The following KLB variants were observed in gnomAD, a reference collection of about 807,000 sequenced individuals.
KLB encodes klotho beta, also known as beta-klotho.
In KLB, 44 loss-of-function variants were observed where a neutral mutation model predicts 88.4. The ratio of observed to expected loss-of-function variants is 0.50; its 90% CI spans 0.39 to 0.64. The LOEUF is 0.64. KLB is among the 30% of genes least tolerant of loss of function. KLB has a pLI of 0.00. For synonymous variants in KLB, 548 were observed against 513.4 expected, an observed-to-expected ratio of 1.07 and a Z score of -0.91; for missense variants, 1,137 against 1,304.8, an observed-to-expected ratio of 0.87 and a Z score of 1.98.
At chr4:39,410,803 T>A (rs1345895081) in intron 1 of KLB, among the ~76,000 whole-genome samples, 2 of 152,160 alleles carry the variant, frequency 1.3e-5, no homozygotes, top group African/African-American at 4.8e-5. Flanking sequence ...ACTTCTCAGA[T>A]AGAGAAAAGG....
At chr4:39,445,909 T>C (rs979713555) in intron 3 of KLB, among the ~76,000 whole-genome samples, 1 of 152,142 alleles carries the variant, frequency 6.6e-6, no homozygotes, top group Non-Finnish European at 1.5e-5. Context: ...TTTTAAGGAA[T>C]TGTGCCTGGG....
At position 39,446,244 on chromosome 4, in the gene KLB, C is replaced by G; in HGVS notation, c.1606-88C>G. 7.9e-7 allele frequency: 1 copy of G among 1,273,814 alleles called. No homozygotes were observed. The highest frequency in any genetic ancestry group is 1.1e-6 in the Non-Finnish European group (1 of 920,218). 78.9% of individuals were successfully genotyped at this position (1,273,814 alleles called of 1,614,324 possible). A position where few individuals can be genotyped will look rare whatever the true frequency, so the allele number is the denominator to read the frequency against. ...AGGCCTGGCGTGGTGGCCTGTAATC[C>G]CAGCACTTTGGGAGGCAGAGGTAGG... On this transcript the variant is annotated intron_variant, in intron 3 of 4. Transcript: ENST00000257408. This position sits in a 1 kb window ranked among gnomAD's most constrained non-coding sequence, Gnocchi z 6.4.
chr4:39,434,359 T>G lies in KLB; in HGVS notation c.975T>G (p.Ser325=). ...DIFKCQQSMV[S]VLGWFANPIH... ...TCAAATGTCAACAATCCATGGTTTC[T>G]GTGCTTGGATGGTTTGCCAACCCTA... The change falls in exon 2 of 5, where the codon TCT becomes TCG. Residue 325 remains serine (S), a synonymous_variant. Transcript: ENST00000257408. The G allele has an allele frequency of 6.2e-7, 1 of 1,614,182 alleles. No homozygotes were observed. Among genetic ancestry groups the G allele is most frequent in the Non-Finnish European group, 8.5e-7 (1 of 1,180,018 alleles).
intron 3 of KLB, among the ~76,000 whole-genome samples, chr4:39,444,362 C>T (rs1340337829): frequency 6.6e-6 from 1 of 152,144 alleles, no homozygotes; most frequent in South Asian, 2.1e-4. Flanking sequence ...AATGGGACCC[C>T]CTCAAGCTGT....
chr4:39,434,859 T>C (rs1578210546), intron 2 of KLB, 139 bp downstream of exon 2: 1 of 687,696 alleles, frequency 1.5e-6, no homozygotes, highest in East Asian at 2.7e-5. Flanking sequence ...CAGGCTGAAG[T>C]GCAGTGGCAC....
At chr4:39,436,889 T>C (rs967840091) in intron 2 of KLB, among the ~76,000 whole-genome samples, 11 of 152,116 alleles carry the variant, frequency 7.2e-5, no homozygotes, top group African/African-American at 2.7e-4. Flanking sequence ...TTTGTATTTT[T>C]AGTAGAGACA....
Position 39,434,389 on chromosome 4 carries a change from T to G in KLB, c.1005T>G (p.His335Gln). Residue 335 changes from histidine to glutamine, a missense_variant, in exon 2 of 5, where the codon CAT becomes CAG. Physicochemically the swap from His to Gln is conservative, Grantham distance 24. Transcript: ENST00000257408. Reference protein sequence around the residue: ...SVLGWFANPIHGDGDYPEGMR... With the variant: ...SVLGWFANPIQGDGDYPEGMR... ...TTGGATGGTTTGCCAACCCTATCCA[T>G]GGGGATGGCGACTATCCAGAGGGGA... 1 of 1,614,138 alleles carries G rather than the reference T, an allele frequency of 6.2e-7. No individual in the cohort carries two copies. The highest frequency in any genetic ancestry group is 8.5e-7 in the Non-Finnish European group (1 of 1,180,006).
chr4:39,414,189 C>CA (rs1435523857), intron 1 of KLB, among the ~76,000 whole-genome samples: 4 of 151,668 alleles, frequency 2.6e-5, no homozygotes, highest in African/African-American at 9.7e-5. Context: ...GACATGTAAC[C>CA]AGTATGAGGG....
chr4:39,424,735 G>C (rs538946148), intron 1 of KLB, among the ~76,000 whole-genome samples: 1 of 136,650 alleles, frequency 7.3e-6, no homozygotes, highest in Non-Finnish European at 1.5e-5. Flanking sequence ...GGGTTCAAGC[G>C]ATTCTGTTTC....
chr4:39,448,279 G>A, intron 4 of KLB, 22 bp from the exon 5 acceptor site: 1 of 1,520,306 alleles, frequency 6.6e-7, no homozygotes, highest in South Asian at 1.3e-5. Context: ...TGTGATTAAT[G>A]TTAATTTCTT....
At chr4:39,428,409 C>G (rs1452678315) in intron 1 of KLB, among the ~76,000 whole-genome samples, 1 of 131,740 alleles carries the variant, frequency 7.6e-6, no homozygotes, top group African/African-American at 2.9e-5. Flanking sequence ...GCCTAGGCAA[C>G]AAGAGTGAAA....
intron 2 of KLB, 43 bp downstream of exon 2, chr4:39,434,763 T>G (rs373815019): frequency 5.5e-6 from 8 of 1,450,122 alleles, no homozygotes. Context: ...TTCTAAAAAC[T>G]TACAGGATAT....
intron 1 of KLB, among the ~76,000 whole-genome samples, chr4:39,415,205 G>A (rs776467119): frequency 1.4e-4 from 22 of 152,206 alleles, no homozygotes; most frequent in African/African-American, 4.6e-4. Context: ...GAGCCACTGC[G>A]CCTGTCCAAA....
At position 39,446,845 on chromosome 4, in the gene KLB, G is replaced by C; in HGVS notation, c.2119G>C (p.Asp707His). The change falls in exon 4 of 5, where the codon GAC becomes CAC. Residue 707 changes from aspartate (D) to histidine (H), a missense_variant. Physicochemically the swap from Asp to His is moderately conservative, Grantham distance 81. Coordinates refer to ENST00000257408, the MANE Select transcript of KLB (RefSeq NM_175737.4). The surrounding 1 kb of genome is among the most constrained non-coding windows in gnomAD (Gnocchi z 6.4). Reference sequence around the variant, plus strand: ...TGACATCTACAACCGCTCTGGCAACGACACCTACGGGGCGGCGCACAACCT... The same window carrying C: ...TGACATCTACAACCGCTCTGGCAACCACACCTACGGGGCGGCGCACAACCT... ...LSDIYNRSGN[D>H]TYGAAHNLLV... is the part of the protein sequence containing the mutation. The C allele has an allele frequency of 6.2e-7, 1 of 1,611,998 alleles. No homozygotes were observed. Among genetic ancestry groups the C allele is most frequent in the Non-Finnish European group, 8.5e-7 (1 of 1,179,972 alleles).
At position 39,446,576 on chromosome 4, in the gene KLB, G is replaced by A. The variant is rs1743751754; in HGVS notation, c.1850G>A (p.Arg617Gln). The A allele has an allele frequency of 1.2e-6, 2 of 1,614,120 alleles. No homozygotes were observed. Among genetic ancestry groups the A allele is most frequent in the Non-Finnish European group, 1.7e-6 (2 of 1,180,052 alleles). Residue 617 changes from arginine (R) to glutamine (Q), a missense_variant, in exon 4 of 5, where the codon CGA becomes CAA. Physicochemically the swap from Arg to Gln is conservative, Grantham distance 43. This residue lies in a region of KLB where 597 missense variants were observed against 765.2 expected (regional missense o/e 0.78). Coordinates refer to ENST00000257408, the MANE Select transcript of KLB (RefSeq NM_175737.4). The surrounding 1 kb of genome is among the most constrained non-coding windows in gnomAD (Gnocchi z 6.4). ...LPTGNLSAVN[R>Q]QALRYYRCVV... ...ACTGGCAACCTGTCCGCGGTGAACCGACAGGCCCTGAGGTACTACAGGTGC... is the reference window on the plus strand; with the variant it reads ...ACTGGCAACCTGTCCGCGGTGAACCAACAGGCCCTGAGGTACTACAGGTGC...
chr4:39,419,594 T>C (rs913126880), intron 1 of KLB, among the ~76,000 whole-genome samples: 15 of 151,848 alleles, frequency 9.9e-5, no homozygotes, highest in African/African-American at 3.6e-4. Flanking sequence ...GCCAACATAG[T>C]GAAACCTGTC....
chr4:39,445,662 G>C (rs534085757), intron 3 of KLB, among the ~76,000 whole-genome samples: 61 of 147,976 alleles, frequency 4.1e-4, no homozygotes, highest in African/African-American at 1.2e-3. Context: ...GCGCCTCCAC[G>C]CCTGGCTAAT....
rs375915032 is a variant in KLB at position 39,427,677 on chromosome 4, C to T, written c.826-6533C>T. Among the ~76,000 whole-genome samples the T allele has an allele frequency of 1.5e-4, 23 of 152,282 alleles. No homozygotes were observed. The East Asian group carries it at 2.3e-3, about 15-fold the overall frequency. Reference sequence around the variant, plus strand: ...GCTTGGGAGCTATTTGCAGAACACTCTTCACGTCCACACAGTCTCCATTAC... The same window carrying T: ...GCTTGGGAGCTATTTGCAGAACACTTTTCACGTCCACACAGTCTCCATTAC... On this transcript the variant is annotated intron_variant, in intron 1 of 4. Coordinates refer to ENST00000257408, the MANE Select transcript of KLB (RefSeq NM_175737.4).
At chr4:39,442,585 C>T (rs1456106412) in intron 3 of KLB, among the ~76,000 whole-genome samples, 1 of 152,060 alleles carries the variant, frequency 6.6e-6, no homozygotes, top group African/African-American at 2.4e-5. Flanking sequence ...AGGTGCCCCC[C>T]ACCATGCCCA....
Sources: allele counts gnomAD v4.1 joint callset (sites outside exome capture counted in the v4.1 genomes callset), GRCh38; gene constraint gnomAD v4.1.1; regional missense constraint gnomAD v4.1.1; non-coding constraint Gnocchi (gnomAD v3.1); transcripts MANE v1.5; gene names NCBI Gene and HGNC (gene_info 2026-07-23, HGNC 2026-07-21).